TNS3: variants seen among roughly 807,000 people sequenced by gnomAD.
TNS3 encodes tensin-3.
TNS3 carries 45 observed loss-of-function variants against 140.9 expected under a neutral mutation model. The observed-to-expected ratio is 0.32, with a 90% confidence interval of 0.25 to 0.41. The LOEUF is 0.41. Among genes scored for constraint, TNS3 ranks in the 10% least tolerant of loss-of-function variants. TNS3 has a pLI of 1.00. For synonymous variants in TNS3, 815 were observed against 788.4 expected, an observed-to-expected ratio of 1.03 and a Z score of -0.56; for missense variants, 1,716 against 1,906.7, an observed-to-expected ratio of 0.90 and a Z score of 1.86.
At chr7:47,301,224 C>T (rs1011548896) in intron 23 of TNS3, among the ~76,000 whole-genome samples, 1 of 152,204 alleles carries the variant, frequency 6.6e-6, no homozygotes, top group Non-Finnish European at 1.5e-5. Flanking sequence ...CCCTCTTTCA[C>T]TCCAGCCTCC....
intron 16 of TNS3, among the ~76,000 whole-genome samples, chr7:47,395,217 A>C (rs1484551919): frequency 5.3e-5 from 8 of 152,184 alleles, no homozygotes; most frequent in Non-Finnish European, 8.8e-5. Flanking sequence ...CTCAGGACAG[A>C]GCGCTGCTCA....
At chr7:47,494,632 G>C (rs925291083) in intron 3 of TNS3, among the ~76,000 whole-genome samples, 1 of 152,174 alleles carries the variant, frequency 6.6e-6, no homozygotes, top group Non-Finnish European at 1.5e-5. Context: ...GCGGGCTTCG[G>C]AAAGTTCCAG....
At chr7:47,578,061 C>A (rs557512946) in intron 1 of TNS3, among the ~76,000 whole-genome samples, 1 of 151,818 alleles carries the variant, frequency 6.6e-6, no homozygotes, top group East Asian at 1.9e-4. Context: ...CGCCTGTAAC[C>A]CCACGCTTTG....
chr7:47,519,917 G>A lies in TNS3; in HGVS notation c.-153+9119C>T, dbSNP rs113988165. ...CGGCTCACTGCAAGCTCCGCCTCCC[G>A]GGTTCATGTCATTCTCCTGCCTCAG... is the stretch of plus-strand genomic sequence containing the variant. On this transcript the variant is annotated intron_variant, in intron 2 of 30. Transcript: ENST00000311160. 7.5e-3 allele frequency among the ~76,000 whole-genome samples: 961 copies of A among 127,952 alleles called. 9 individuals carry two copies. Among genetic ancestry groups the A allele is most frequent in the African/African-American group, 0.026 (892 of 34,354 alleles). The allele number at this position is 127,952 out of a possible 152,430, so 83.9% of individuals were successfully genotyped here.
intron 20 of TNS3, among the ~76,000 whole-genome samples, chr7:47,342,329 A>C (rs1345324764): frequency 6.6e-6 from 1 of 152,196 alleles, no homozygotes; most frequent in Non-Finnish European, 1.5e-5. Context: ...TGGTATTTTA[A>C]AGCAAATACT....
intron 20 of TNS3, among the ~76,000 whole-genome samples, chr7:47,315,946 G>C (rs531268371): frequency 1.3e-5 from 2 of 152,148 alleles, no homozygotes; most frequent in South Asian, 4.2e-4. Context: ...TTTAGCTGAG[G>C]TCAATATTAT....
Position 47,413,955 on chromosome 7 carries a change from A to C in TNS3, c.629T>G (p.Val210Gly), listed in dbSNP as rs1793931108. 2 of 1,613,948 alleles carry C rather than the reference A, an allele frequency of 1.2e-6. No homozygotes were observed. Among genetic ancestry groups the C allele is most frequent in the Non-Finnish European group, 1.7e-6 (2 of 1,179,996 alleles). ...FLKLYQAMQPVYTSGIYNVGP... is the reference protein window; with the variant it reads ...FLKLYQAMQPGYTSGIYNVGP... ...CACTCACTAGATCCCGGAGGTGTACACAGGCTGCATGGCTTGGTAGAGCTT... is the reference window on the plus strand; with the variant it reads ...CACTCACTAGATCCCGGAGGTGTACCCAGGCTGCATGGCTTGGTAGAGCTT... The change falls in exon 12 of 31, where the codon GTG becomes GGG. Residue 210 changes from valine to glycine, a missense_variant. Coordinates refer to ENST00000311160, the MANE Select transcript of TNS3 (RefSeq NM_022748.12).
chr7:47,368,895 T>A lies in TNS3; in HGVS notation c.1751A>T (p.Tyr584Phe). The A allele has an allele frequency of 6.2e-7, 1 of 1,613,548 alleles. No homozygotes were observed. Among genetic ancestry groups the A allele is most frequent in the East Asian group, 2.2e-5 (1 of 44,852 alleles). ...CTGGCGCACCCAGGTCTGTGTGGAGTAGCTGCTCTGCCCATAGGCCTGCAT... is the reference window on the plus strand; with the variant it reads ...CTGGCGCACCCAGGTCTGTGTGGAGAAGCTGCTCTGCCCATAGGCCTGCAT... ...AQMQAYGQSS[Y>F]STQTWVRQQQ... The change falls in exon 17 of 31, where the codon TAC becomes TTC. Residue 584 changes from tyrosine (Y) to phenylalanine (F), a missense_variant. Transcript: ENST00000311160.
intron 2 of TNS3, among the ~76,000 whole-genome samples, chr7:47,528,684 T>C (rs978229721): frequency 1.3e-5 from 2 of 152,220 alleles, no homozygotes; most frequent in African/African-American, 2.4e-5. Context: ...AATCTAAAGA[T>C]AGAAACATTT....
intron 23 of TNS3, among the ~76,000 whole-genome samples, chr7:47,297,872 C>T (rs1360661615): frequency 1.3e-5 from 2 of 150,506 alleles, no homozygotes; most frequent in Admixed American, 6.6e-5. Context: ...ACTGCAACCT[C>T]CACTTCTGGG....
intron 1 of TNS3, among the ~76,000 whole-genome samples, chr7:47,540,904 G>A (rs766472773): frequency 2.4e-4 from 36 of 152,302 alleles, no homozygotes; most frequent in African/African-American, 7.5e-4. Flanking sequence ...CCCCAGTACC[G>A]AGCTGGGCTG....
chr7:47,523,599 G>A (rs1799070057), intron 2 of TNS3, among the ~76,000 whole-genome samples: 1 of 152,208 alleles, frequency 6.6e-6, no homozygotes, highest in South Asian at 2.1e-4. Flanking sequence ...GCCTTGAGTG[G>A]GGGTCCCTCC....
intron 30 of TNS3, chr7:47,279,063 G>A (rs1785004849): frequency 6.6e-6 from 1 of 152,430 alleles, no homozygotes. Flanking sequence ...CAGAGTGGGA[G>A]TGTGCCCAGA....
At chr7:47,501,182 AAGGAAGGGAGGGAGGG>A (rs56366623) in intron 3 of TNS3, among the ~76,000 whole-genome samples, 46,684 of 122,024 alleles carry the variant, frequency 0.38, 8,636 homozygotes, top group South Asian at 0.58. Context: ...GAGAGGAAGG[AAGGAAGGGAGGGAGGG>A]AGGGAGGGAG....
chr7:47,303,758 C>T (rs562147327), intron 21 of TNS3, among the ~76,000 whole-genome samples, 174 bp from the exon 22 acceptor site: 2 of 152,322 alleles, frequency 1.3e-5, no homozygotes, highest in Middle Eastern at 3.4e-3. Flanking sequence ...TCTGAGCTCA[C>T]GCTGCCTGCC....
intron 4 of TNS3, among the ~76,000 whole-genome samples, chr7:47,477,822 C>A (rs759432392): frequency 6.6e-6 from 1 of 152,194 alleles, no homozygotes; most frequent in Non-Finnish European, 1.5e-5. Flanking sequence ...AGAAGCCACA[C>A]GGTGCAGGCG....
At chr7:47,371,790 G>A (rs1172052528) in intron 16 of TNS3, among the ~76,000 whole-genome samples, 1 of 152,122 alleles carries the variant, frequency 6.6e-6, no homozygotes, top group African/African-American at 2.4e-5. Flanking sequence ...AAGTAGAGTG[G>A]TCCCTTGAAG....
chr7:47,543,026 G>C (rs1315242166), intron 1 of TNS3, among the ~76,000 whole-genome samples: 1 of 151,874 alleles, frequency 6.6e-6, no homozygotes, highest in African/African-American at 2.4e-5. Context: ...GCTCTCATCT[G>C]CAGAAATTGA....
intron 1 of TNS3, among the ~76,000 whole-genome samples, chr7:47,552,464 A>G (rs1800090018): frequency 6.6e-6 from 1 of 152,112 alleles, no homozygotes; most frequent in South Asian, 2.1e-4. Flanking sequence ...CGTCAGTGCC[A>G]TTTTCCCAAA....
Sources: gnomAD v4.1 joint callset for allele counts (sites outside exome capture counted in the v4.1 genomes callset) on GRCh38, gnomAD v4.1.1 for gene constraint, MANE v1.5 for transcripts, NCBI Gene and HGNC (gene_info 2026-07-23, HGNC 2026-07-21) for gene names.